Variants in RSPO2 observed in about 807,000 individuals in gnomAD.
The protein encoded by RSPO2 is R-spondin 2.
In RSPO2, 14 loss-of-function variants were observed where a neutral mutation model predicts 30.9. The observed-to-expected ratio is 0.45, with a 90% CI of 0.30 to 0.71. The LOEUF is 0.71. RSPO2 is among the 30% of genes least tolerant of loss of function. RSPO2 has a pLI of 0.08. For synonymous variants in RSPO2, 107 were observed against 96.4 expected (o/e 1.11, Z -0.64); for missense variants, 264 against 301.9 (o/e 0.87, Z 0.93).
intron 2 of RSPO2, among the ~76,000 whole-genome samples, chr8:108,065,626 A>G (rs1812641538): frequency 6.6e-6 from 1 of 151,888 alleles, no homozygotes; most frequent in Non-Finnish European, 1.5e-5. Flanking sequence ...CTGTAATTAG[A>G]AAGAGCCAGC....
intron 3 of RSPO2, among the ~76,000 whole-genome samples, chr8:107,972,864 C>T (rs1814049053): frequency 6.6e-6 from 1 of 152,182 alleles, no homozygotes; most frequent in South Asian, 2.1e-4. Context: ...CCATTTCTTC[C>T]AATCCAGTGT....
At chr8:107,975,680 G>A (rs1001980716) in intron 3 of RSPO2, among the ~76,000 whole-genome samples, 1 of 152,226 alleles carries the variant, frequency 6.6e-6, no homozygotes. Context: ...GAACTTATGA[G>A]ATGCCAAGGC....
At chr8:108,048,074 T>C (rs1224626955) in intron 2 of RSPO2, among the ~76,000 whole-genome samples, 1 of 152,140 alleles carries the variant, frequency 6.6e-6, no homozygotes, top group African/African-American at 2.4e-5. Flanking sequence ...GTATTGCTAT[T>C]GAATCCTCAC....
chr8:107,973,550 ACAC>A, intron 3 of RSPO2, among the ~76,000 whole-genome samples: 1 of 151,772 alleles, frequency 6.6e-6, no homozygotes, highest in African/African-American at 2.4e-5. Context: ...ACACACACAC[ACAC>A]ACACACACAG....
intron 2 of RSPO2, among the ~76,000 whole-genome samples, chr8:108,052,730 T>G (rs1195394404): frequency 6.6e-6 from 1 of 152,068 alleles, no homozygotes; most frequent in African/African-American, 2.4e-5. Flanking sequence ...CTACTATTAT[T>G]CCCATTTTAA....
At chr8:107,964,586 T>C (rs148953936) in intron 3 of RSPO2, among the ~76,000 whole-genome samples, 1 of 152,074 alleles carries the variant, frequency 6.6e-6, no homozygotes. Flanking sequence ...CCAGGAGGTC[T>C]CCTACTTGAT....
chr8:108,003,235 A>G (rs1191862886), intron 2 of RSPO2, among the ~76,000 whole-genome samples: 6 of 39,288 alleles, frequency 1.5e-4, no homozygotes, highest in African/African-American at 1.3e-3. Context: ...ATGTGTGTGT[A>G]TATATGTATG....
intron 5 of RSPO2, among the ~76,000 whole-genome samples, chr8:107,927,086 T>C (rs1300616935): frequency 6.6e-6 from 1 of 152,220 alleles, no homozygotes; most frequent in African/African-American, 2.4e-5. Flanking sequence ...CAGTGGTTTA[T>C]AGTTCTCCTT....
intron 5 of RSPO2, 126 bp downstream of exon 5, chr8:107,957,954 A>T: frequency 1.6e-6 from 1 of 635,756 alleles, no homozygotes; most frequent in Non-Finnish European, 2.7e-6. Context: ...ACAAAACTTT[A>T]TCCCCTCACC....
intron 5 of RSPO2, among the ~76,000 whole-genome samples, chr8:107,924,818 ACATG>A (rs1812301506): frequency 1.2e-5 from 1 of 83,208 alleles, no homozygotes; most frequent in Admixed American, 1.6e-4. Flanking sequence ...CTCTCACCTA[ACATG>A]CACACACACA....
intron 2 of RSPO2, among the ~76,000 whole-genome samples, chr8:108,049,341 T>A (rs780055147): frequency 2.0e-5 from 3 of 152,066 alleles, no homozygotes; most frequent in Non-Finnish European, 4.4e-5. Context: ...ATGACCCTTG[T>A]TTTTTGGCTG....
intron 3 of RSPO2, among the ~76,000 whole-genome samples, chr8:107,976,506 T>C (rs1446677557): frequency 1.3e-5 from 2 of 152,190 alleles, no homozygotes; most frequent in Non-Finnish European, 1.5e-5. Flanking sequence ...AGAATGGCCA[T>C]TTCTATCTGC....
intron 3 of RSPO2, among the ~76,000 whole-genome samples, chr8:107,988,064 T>G (rs1407617717): frequency 4.6e-5 from 7 of 152,162 alleles, no homozygotes; most frequent in Non-Finnish European, 8.8e-5. Flanking sequence ...AAAGGGATGT[T>G]CCTTTGGTAT....
chr8:108,041,603 G>A (rs1444490193), intron 2 of RSPO2, among the ~76,000 whole-genome samples: 1 of 152,160 alleles, frequency 6.6e-6, no homozygotes, highest in Non-Finnish European at 1.5e-5. Context: ...GGGAATGAGA[G>A]AAAAGATTAG....
chr8:108,044,166 GA>G (rs1469904551), intron 2 of RSPO2, among the ~76,000 whole-genome samples: 1 of 147,618 alleles, frequency 6.8e-6, no homozygotes, highest in Non-Finnish European at 1.5e-5. Context: ...AAAAAAAAAA[GA>G]AAAGCTAAGT....
At chr8:107,928,198 A>G (rs1005859663) in intron 5 of RSPO2, among the ~76,000 whole-genome samples, 1 of 152,146 alleles carries the variant, frequency 6.6e-6, no homozygotes, top group Non-Finnish European at 1.5e-5. Context: ...TCGTTACTTC[A>G]GTAGTTTCTG....
intron 2 of RSPO2, among the ~76,000 whole-genome samples, chr8:108,025,406 A>G (rs1200656219): frequency 6.6e-6 from 1 of 152,220 alleles, no homozygotes; most frequent in East Asian, 1.9e-4. Context: ...TTCCATGTCC[A>G]TCCTGGGACA....
intron 5 of RSPO2, among the ~76,000 whole-genome samples, chr8:107,917,602 C>T (rs900433584): frequency 6.6e-6 from 1 of 152,162 alleles, no homozygotes; most frequent in Non-Finnish European, 1.5e-5. Context: ...TCTGGCCTAA[C>T]TAATCCTTTA....
chr8:107,961,896 T>C (rs1813639162), intron 3 of RSPO2, among the ~76,000 whole-genome samples: 1 of 152,200 alleles, frequency 6.6e-6, no homozygotes, highest in Non-Finnish European at 1.5e-5. Flanking sequence ...TCACATTCCC[T>C]GGTAGGCCAG....
Sources: gnomAD v4.1 joint callset for allele counts (sites outside exome capture counted in the v4.1 genomes callset) on GRCh38, gnomAD v4.1.1 for gene constraint, MANE v1.5 for transcripts, NCBI Gene and HGNC (gene_info 2026-07-23, HGNC 2026-07-21) for gene names.